The following TRPM8 variants were observed in gnomAD, a reference collection of about 807,000 sequenced individuals.
TRPM8 encodes the protein transient receptor potential cation channel subfamily M member 8, also known as TRPM8 cationic channel.
A neutral mutation model predicts 133.7 loss-of-function variants in TRPM8; 110 were observed. That is an observed-to-expected ratio of 0.82 (90% confidence interval 0.70 to 0.96). The LOEUF (loss-of-function observed/expected upper bound fraction) is 0.96. Ranked by LOEUF, TRPM8 falls within the 40% of genes least tolerant of loss-of-function variation. TRPM8 has a pLI of 0.00. For missense variants in TRPM8, 1,291 were observed against 1,379.5 expected (o/e 0.94, Z 1.02); for synonymous variants, 535 against 532.3 (o/e 1.01, Z -0.07).
In TRPM8 at chr2:233,960,885, A is replaced by T. The variant is rs199871046; in HGVS notation, c.1472A>T (p.Asp491Val). 2 of 1,614,190 alleles carry T rather than the reference A, an allele frequency of 1.2e-6. No individual in the cohort carries two copies. Among genetic ancestry groups the T allele is most frequent in the Admixed American group, 1.7e-5 (1 of 60,022 alleles). Reference sequence around the variant, plus strand: ...AACCTACGGAAGTTTCTCACCCATGATGTCCTCACTGAACTCTTCTCCAAC... The same window carrying T: ...AACCTACGGAAGTTTCTCACCCATGTTGTCCTCACTGAACTCTTCTCCAAC... ...GLNLRKFLTHDVLTELFSNHF... is the reference protein window; with the variant it reads ...GLNLRKFLTHVVLTELFSNHF... Residue 491 changes from aspartate to valine, a missense_variant, in exon 12 of 26, where the codon GAT becomes GTT. This residue lies in a region of TRPM8 where 963 missense variants were observed against 968.9 expected (regional missense o/e 0.99). Coordinates refer to ENST00000324695, the MANE Select transcript of TRPM8 (RefSeq NM_024080.5).
intron 1 of TRPM8, among the ~76,000 whole-genome samples, 151 bp from the exon 2 acceptor site, chr2:233,926,382 G>A (rs1691515845): frequency 6.6e-6 from 1 of 152,286 alleles, no homozygotes; most frequent in Non-Finnish European, 1.5e-5. Context: ...AGGGGCAGAG[G>A]CACAATGACC....
intron 15 of TRPM8, among the ~76,000 whole-genome samples, chr2:233,969,078 C>G (rs924937571): frequency 9.2e-5 from 14 of 152,016 alleles, no homozygotes; most frequent in African/African-American, 3.1e-4. Flanking sequence ...TTAAACTTAC[C>G]TAATAAAAAT....
At chr2:233,968,741 G>A (rs936585950) in intron 15 of TRPM8, among the ~76,000 whole-genome samples, 1 of 151,920 alleles carries the variant, frequency 6.6e-6, no homozygotes, top group Admixed American at 6.6e-5. Flanking sequence ...TTTTTTGAGA[G>A]ATGTGGGTCC....
chr2:234,003,729 A>C (rs1692626055), intron 22 of TRPM8, among the ~76,000 whole-genome samples: 1 of 152,230 alleles, frequency 6.6e-6, no homozygotes, highest in South Asian at 2.1e-4. Flanking sequence ...TACAAAGAAC[A>C]ATGTCTAACA....
At chr2:233,921,985 T>C (rs1054250461) in intron 1 of TRPM8, among the ~76,000 whole-genome samples, 3 of 152,014 alleles carry the variant, frequency 2.0e-5, no homozygotes, top group African/African-American at 7.2e-5. Context: ...AAACACATTT[T>C]CTGTATGAAG....
chr2:233,947,131 A>C lies in TRPM8; in HGVS notation c.918A>C (p.Gln306His), dbSNP rs771415533. Reference sequence around the variant, plus strand: ...AGATCCCCATTGTGTGTTTTGCCCAAGGAGGTGGAAAAGAGACTTTGAAAG... The same window carrying C: ...AGATCCCCATTGTGTGTTTTGCCCACGGAGGTGGAAAAGAGACTTTGAAAG... ...GGKIPIVCFA[Q>H]GGGKETLKAI... is the part of the protein sequence containing the mutation. Residue 306 changes from glutamine to histidine, a missense_variant, in exon 8 of 26, where the codon CAA (glutamine) becomes CAC (histidine). Around this residue, in one of 2 missense-constraint regions of TRPM8, gnomAD observed 963 missense variants for 968.9 expected, o/e 0.99. Coordinates refer to ENST00000324695, the MANE Select transcript of TRPM8 (RefSeq NM_024080.5). The C allele has an allele frequency of 3.1e-6, 5 of 1,614,132 alleles. No individual in the cohort carries two copies. The highest frequency in any genetic ancestry group is 3.4e-6 in the Non-Finnish European group (4 of 1,179,962).
At position 233,970,209 on chromosome 2, in the gene TRPM8, G is replaced by A; in HGVS notation, c.2139-1G>A. The A allele has an allele frequency of 6.2e-7, 1 of 1,614,092 alleles. No individual in the cohort carries two copies. The highest frequency in any genetic ancestry group is 8.5e-7 in the Non-Finnish European group (1 of 1,179,964). On this transcript the variant is annotated splice_acceptor_variant, in intron 16 of 25. Coordinates refer to ENST00000324695, the MANE Select transcript of TRPM8 (RefSeq NM_024080.5). LOFTEE classifies it high-confidence loss of function. ...GACGATGCCCTTATCTCTGGGTCCA[G>A]GAAGAAACCTGTCGACAAGCACAAG...
intron 5 of TRPM8, among the ~76,000 whole-genome samples, chr2:233,941,252 A>T (rs184296341): frequency 6.6e-6 from 1 of 152,334 alleles, no homozygotes. Flanking sequence ...TTTTAAAATC[A>T]ACTAGAAGGA....
intron 2 of TRPM8, among the ~76,000 whole-genome samples, chr2:233,928,260 C>A (rs989327586): frequency 3.3e-5 from 5 of 152,056 alleles, no homozygotes; most frequent in Non-Finnish European, 5.9e-5. Flanking sequence ...TGACCCACTG[C>A]GCCTGGCCGA....
rs767761059 is a variant in TRPM8, at chr2:234,006,915, G to A, written c.3193G>A (p.Val1065Ile). The A allele has an allele frequency of 1.9e-6, 3 of 1,614,006 alleles. No individual in the cohort carries two copies. The highest frequency in any genetic ancestry group is 1.1e-5 in the South Asian group (1 of 91,070). Reference protein sequence around the residue: ...WEGVMKENYLVKINTKANDTS... With the variant: ...WEGVMKENYLIKINTKANDTS... Reference sequence around the variant, plus strand: ...GGGTGTCATGAAGGAAAACTACCTTGTCAAGATCAACACAAAAGCCAACGA... The same window carrying A: ...GGGTGTCATGAAGGAAAACTACCTTATCAAGATCAACACAAAAGCCAACGA... Residue 1065 changes from valine to isoleucine, a missense_variant, in exon 23 of 26, where the codon GTC (valine) becomes ATC (isoleucine). Physicochemically the swap from Val to Ile is conservative, Grantham distance 29. Coordinates refer to ENST00000324695, the MANE Select transcript of TRPM8 (RefSeq NM_024080.5).
At chr2:233,943,564 A>G (rs1358281507) in intron 6 of TRPM8, among the ~76,000 whole-genome samples, 2 of 152,202 alleles carry the variant, frequency 1.3e-5, no homozygotes, top group Non-Finnish European at 2.9e-5. Flanking sequence ...ACAGAAATTC[A>G]AATCAATGGA....
intron 15 of TRPM8, among the ~76,000 whole-genome samples, chr2:233,967,671 C>T (rs146318974): frequency 6.6e-5 from 10 of 152,334 alleles, no homozygotes. Context: ...TTTACTACTG[C>T]AACTAAGCTA....
At position 233,965,053 on chromosome 2, in the gene TRPM8, T is replaced by TG. The variant is rs58907890; in HGVS notation, c.1879+308dup. Reference sequence around the variant, plus strand: ...GGGAGCACTGGACTACTTTTTTTTGTGGGGGGGGGGGGTGTTTCTGGATGC... The same window carrying TG: ...GGGAGCACTGGACTACTTTTTTTTGTGGGGGGGGGGGGGTGTTTCTGGATGC... On this transcript the variant is annotated intron_variant, in intron 14 of 25. Transcript: ENST00000324695. Among the ~76,000 whole-genome samples, 568 of 123,734 alleles carry TG rather than the reference T, an allele frequency of 4.6e-3. 7 individuals carry two copies. The highest frequency in any genetic ancestry group is 7.6e-3 in the Non-Finnish European group (412 of 54,552). 81.2% of individuals were successfully genotyped at this position (123,734 alleles called of 152,430 possible). A position where few individuals can be genotyped will look rare whatever the true frequency, so the allele number is the denominator to read the frequency against.
intron 1 of TRPM8, 107 bp from the exon 2 acceptor site, chr2:233,926,426 G>A (rs915705572): frequency 7.4e-6 from 6 of 806,924 alleles, no homozygotes; most frequent in Admixed American, 3.6e-5. Context: ...GACATTGCAC[G>A]TGGCAAAGGG....
intron 14 of TRPM8, among the ~76,000 whole-genome samples, 194 bp from the exon 15 acceptor site, chr2:233,966,416 G>C (rs1691577044): frequency 6.6e-6 from 1 of 152,172 alleles, no homozygotes; most frequent in Non-Finnish European, 1.5e-5. Context: ...GCTCTGCTGG[G>C]TTTGTCTTGC....
Position 233,946,034 on chromosome 2 carries a change from A to T in TRPM8, c.874+4A>T, listed in dbSNP as rs769443777. ...ATCTCTGAGCGCACTATTCAAGGTC[A>T]GTGGTTAGGAGGTAGGACACTAGAA... On this transcript the variant is annotated splice_donor_region_variant and intron_variant, in intron 7 of 25. Coordinates refer to ENST00000324695, the MANE Select transcript of TRPM8 (RefSeq NM_024080.5). 6.2e-7 allele frequency: 1 copy of T among 1,613,448 alleles called. No individual in the cohort carries two copies.
intron 2 of TRPM8, among the ~76,000 whole-genome samples, chr2:233,928,313 A>G (rs1002034829): frequency 3.9e-5 from 6 of 152,042 alleles, no homozygotes; most frequent in African/African-American, 1.4e-4. Flanking sequence ...CTCCTGCTGG[A>G]TGGGTCTCCT....
At chr2:233,957,566 A>G (rs1301211968) in intron 11 of TRPM8, among the ~76,000 whole-genome samples, 2 of 152,208 alleles carry the variant, frequency 1.3e-5, no homozygotes, top group East Asian at 3.8e-4. Context: ...TTAGAATTAC[A>G]TAGATTTTAT....
At chr2:233,918,335 T>C (rs1206404969) in intron 1 of TRPM8, among the ~76,000 whole-genome samples, 1 of 149,266 alleles carries the variant, frequency 6.7e-6, no homozygotes, top group Non-Finnish European at 1.5e-5. Flanking sequence ...AATATAATTG[T>C]TATAGAAATA....
Sources: allele counts gnomAD v4.1 joint callset (sites outside exome capture counted in the v4.1 genomes callset), GRCh38; gene constraint gnomAD v4.1.1; regional missense constraint gnomAD v4.1.1; transcripts MANE v1.5; gene names NCBI Gene and HGNC (gene_info 2026-07-23, HGNC 2026-07-21).